LRP1B: variants seen among roughly 807,000 people sequenced by gnomAD.
LRP1B encodes the protein low-density lipoprotein receptor-related protein 1B.
LRP1B carries 217 observed loss-of-function variants against 556.6 expected under a neutral mutation model. The ratio of observed to expected loss-of-function variants is 0.39; its 90% CI spans 0.35 to 0.44. The LOEUF (loss-of-function observed/expected upper bound fraction) is 0.44. LRP1B is among the 20% of genes least tolerant of loss of function. The pLI is 1.00. For missense variants in LRP1B, 5,053 were observed against 5,620.8 expected, an observed-to-expected ratio of 0.90 and a Z score of 3.23; for synonymous variants, 2,047 against 1,865.8, an observed-to-expected ratio of 1.10 and a Z score of -2.50.
At chr2:141,469,444 G>A (rs1682376339) in intron 3 of LRP1B, among the ~76,000 whole-genome samples, 1 of 152,056 alleles carries the variant, frequency 6.6e-6, no homozygotes. Flanking sequence ...TAGTTCTAGA[G>A]GCTAGAAAGT....
chr2:141,472,817 A>C (rs1257578522), intron 3 of LRP1B, among the ~76,000 whole-genome samples: 2 of 152,144 alleles, frequency 1.3e-5, no homozygotes, highest in Non-Finnish European at 1.5e-5. Context: ...CATTTGTAAA[A>C]ATTTACAATT....
At chr2:141,094,892 A>G (rs1287835814) in intron 7 of LRP1B, among the ~76,000 whole-genome samples, 2 of 152,236 alleles carry the variant, frequency 1.3e-5, no homozygotes, top group African/African-American at 2.4e-5. Context: ...AATGACTGAC[A>G]ACCCCTGTTA....
intron 81 of LRP1B, 42 bp downstream of exon 81, chr2:140,323,851 T>G (rs941243713): frequency 1.0e-6 from 1 of 1,002,656 alleles, no homozygotes; most frequent in East Asian, 2.5e-5. Context: ...TACAAGAAAA[T>G]AATTTACCAA....
intron 2 of LRP1B, among the ~76,000 whole-genome samples, chr2:141,684,373 T>C (rs1691217339): frequency 6.6e-6 from 1 of 152,096 alleles, no homozygotes; most frequent in African/African-American, 2.4e-5. Context: ...AAACACTGCA[T>C]GTTCTCTCTC....
intron 41 of LRP1B, among the ~76,000 whole-genome samples, chr2:140,658,729 C>A (rs1038360160): frequency 7.9e-5 from 12 of 151,976 alleles, no homozygotes; most frequent in Non-Finnish European, 1.5e-4. Flanking sequence ...CAAGGTGGAA[C>A]CTTGACCCTT....
intron 3 of LRP1B, among the ~76,000 whole-genome samples, chr2:141,302,153 T>C (rs1055389534): frequency 7.9e-5 from 12 of 152,088 alleles, no homozygotes; most frequent in African/African-American, 2.9e-4. Context: ...CTCTTACAGA[T>C]AGGAGAGAAA....
chr2:140,674,495 T>C (rs895064209), intron 41 of LRP1B, among the ~76,000 whole-genome samples: 1 of 152,212 alleles, frequency 6.6e-6, no homozygotes, highest in Non-Finnish European at 1.5e-5. Flanking sequence ...TTCTACTGAA[T>C]CCAGATCTTT....
At chr2:141,101,428 G>A (rs1700458920) in intron 7 of LRP1B, among the ~76,000 whole-genome samples, 1 of 152,104 alleles carries the variant, frequency 6.6e-6, no homozygotes, top group African/African-American at 2.4e-5. Context: ...AATATAACAT[G>A]AAACTGTAGT....
chr2:140,896,703 A>AT (rs1255732468), intron 23 of LRP1B, among the ~76,000 whole-genome samples: 1 of 152,064 alleles, frequency 6.6e-6, no homozygotes, highest in Non-Finnish European at 1.5e-5. Context: ...GCTGTCTTGA[A>AT]TGCCTGGGCT....
chr2:140,499,626 G>A (rs771366491), intron 55 of LRP1B, among the ~76,000 whole-genome samples: 4 of 151,926 alleles, frequency 2.6e-5, no homozygotes, highest in Admixed American at 6.6e-5. Flanking sequence ...TTACAAACCT[G>A]TACAGCATGT....
intron 2 of LRP1B, among the ~76,000 whole-genome samples, chr2:141,597,952 G>A (rs1049976336): frequency 2.6e-5 from 4 of 151,746 alleles, no homozygotes; most frequent in Non-Finnish European, 4.4e-5. Context: ...ACCTCATCTG[G>A]GATTCACCCA....
At chr2:140,600,767 G>GTTTTTTTTTTT (rs61336155) in intron 42 of LRP1B, among the ~76,000 whole-genome samples, 633 of 56,708 alleles carry the variant, frequency 0.011, 43 homozygotes, top group Non-Finnish European at 0.015. Context: ...GTTCTTCGGG[G>GTTTTTTTTTTT]TTTTTTTTTT....
chr2:141,300,113 G>A (rs1247276528), intron 3 of LRP1B, among the ~76,000 whole-genome samples: 1 of 152,158 alleles, frequency 6.6e-6, no homozygotes, highest in African/African-American at 2.4e-5. Context: ...CAGTCCAGAA[G>A]GGGCCCCACA....
intron 2 of LRP1B, among the ~76,000 whole-genome samples, chr2:141,753,263 C>CACATATATATATATATATATATAT (rs1553459356): frequency 1.6e-5 from 1 of 62,502 alleles, no homozygotes; most frequent in African/African-American, 6.0e-5. Context: ...TCTCTCTCTC[C>CACATATATATATATATATATATAT]ATATATATAT....
chr2:141,812,828 A>T (rs191479662), intron 1 of LRP1B, among the ~76,000 whole-genome samples: 7 of 152,240 alleles, frequency 4.6e-5, no homozygotes, highest in African/African-American at 1.4e-4. Context: ...AAGTGATGTG[A>T]CATATGAGTT....
At chr2:141,977,613 G>T (rs1347462758) in intron 1 of LRP1B, among the ~76,000 whole-genome samples, 1 of 152,090 alleles carries the variant, frequency 6.6e-6, no homozygotes, top group Non-Finnish European at 1.5e-5. Flanking sequence ...ACAGAGTGTT[G>T]CTGTTCTGTT....
intron 3 of LRP1B, among the ~76,000 whole-genome samples, chr2:141,375,551 C>G (rs560234834): frequency 2.2e-4 from 34 of 152,220 alleles, no homozygotes; most frequent in African/African-American, 7.9e-4. Context: ...TCCAGTCCCA[C>G]AGCTCCAGTC....
intron 49 of LRP1B, among the ~76,000 whole-genome samples, chr2:140,523,844 T>G (rs747748610): frequency 1.3e-5 from 2 of 152,092 alleles, no homozygotes; most frequent in East Asian, 1.9e-4. Context: ...AAGACTTAAA[T>G]GTATGATCTC....
chr2:141,564,467 A>T (rs1686263329), intron 2 of LRP1B, among the ~76,000 whole-genome samples: 1 of 152,154 alleles, frequency 6.6e-6, no homozygotes, highest in Non-Finnish European at 1.5e-5. Context: ...ACATGGACAA[A>T]GAGAGAATAA....
Sources: gnomAD v4.1 joint callset for allele counts (sites outside exome capture counted in the v4.1 genomes callset) on GRCh38, gnomAD v4.1.1 for gene constraint, MANE v1.5 for transcripts, NCBI Gene and HGNC (gene_info 2026-07-23, HGNC 2026-07-21) for gene names.